Variants in SULT4A1 observed in about 807,000 individuals in gnomAD.
SULT4A1 encodes sulfotransferase 4A1.
Under a neutral mutation model 35.2 loss-of-function variants are expected in SULT4A1, and 11 were observed. The ratio of observed to expected loss-of-function variants is 0.31; its 90% confidence interval spans 0.20 to 0.52. SULT4A1 has a LOEUF of 0.52. Among genes scored for constraint, SULT4A1 ranks in the 20% least tolerant of loss-of-function variants. The pLI is 0.97. For synonymous variants in SULT4A1, 152 were observed against 151.8 expected, an observed-to-expected ratio of 1.00 and a Z score of -0.01; for missense variants, 271 against 383.7, an observed-to-expected ratio of 0.71 and a Z score of 2.45.
chr22:43,861,272 A>ACTG (rs1297851632), intron 1 of SULT4A1, among the ~76,000 whole-genome samples: 1 of 152,118 alleles, frequency 6.6e-6, no homozygotes, highest in Non-Finnish European at 1.5e-5. Context: ...AAACTGCCCG[A>ACTG]CTGCTGGTCC....
chr22:43,852,722 G>A (rs925098476), intron 1 of SULT4A1, among the ~76,000 whole-genome samples: 3 of 151,318 alleles, frequency 2.0e-5, no homozygotes, highest in South Asian at 4.2e-4. Flanking sequence ...AGAGCACGAC[G>A]GGAAGCTCTA....
At position 43,862,378 on chromosome 22, in the gene SULT4A1, G is replaced by A. The variant is rs768026959; in HGVS notation, c.5C>T (p.Ala2Val). 6 of 1,345,832 alleles carry A rather than the reference G, an allele frequency of 4.5e-6. No homozygotes were observed. The highest frequency in any genetic ancestry group is 5.8e-6 in the Non-Finnish European group (6 of 1,028,518). The allele number at this position is 1,345,832 out of a possible 1,614,324, so 83.4% of individuals were successfully genotyped here. A position where few individuals can be genotyped will look rare whatever the true frequency, so the allele number is the denominator to read the frequency against. Reference sequence around the variant, plus strand: ...GCTGGGGGTCTCGGCCTCGCTCTCCGCCATGCCGCCGCCGTCGCCGTCGCC... The same window carrying A: ...GCTGGGGGTCTCGGCCTCGCTCTCCACCATGCCGCCGCCGTCGCCGTCGCC... Reference protein sequence around the residue: MAESEAETPSTP... With the variant: MVESEAETPSTP... Residue 2 changes from alanine (A) to valine (V), a missense_variant, in exon 1 of 7, where the codon GCG (alanine) becomes GTG (valine). Transcript: ENST00000330884.
chr22:43,851,180 TCCA>T (rs1466774299), intron 1 of SULT4A1, among the ~76,000 whole-genome samples: 2 of 152,284 alleles, frequency 1.3e-5, no homozygotes, highest in African/African-American at 4.8e-5. Context: ...AATTAAAACC[TCCA>T]CCATCACACT....
chr22:43,834,507 G>A lies in SULT4A1; in HGVS notation c.509-773C>T, dbSNP rs1398004708. The stretch of plus-strand genomic sequence containing the variant: ...GCCCTGAGCTTCCCACGCCCCCACC[G>A]CGGCCCTGAGCTTCCCGCGCCCCCA... On this transcript the variant is annotated intron_variant, in intron 4 of 6. Transcript: ENST00000330884. Among the ~76,000 whole-genome samples the A allele has an allele frequency of 1.3e-3, 3 of 2,296 alleles. 1 individual carries two copies. The highest frequency in any genetic ancestry group is 3.7e-3 in the African/African-American group (3 of 808). 1.5% of individuals were successfully genotyped at this position (2,296 alleles called of 152,430 possible).
chr22:43,826,943 G>A (rs552518712), intron 6 of SULT4A1: 11 of 985,450 alleles, frequency 1.1e-5, no homozygotes, highest in South Asian at 9.4e-5. Context: ...TGCAGGCACC[G>A]GTCTACGCTG....
chr22:43,844,424 G>C (rs1045120449), intron 1 of SULT4A1, among the ~76,000 whole-genome samples: 3 of 152,142 alleles, frequency 2.0e-5, no homozygotes, highest in African/African-American at 7.2e-5. Context: ...AGAGACCTAT[G>C]GACCAATTCT....
intron 1 of SULT4A1, among the ~76,000 whole-genome samples, chr22:43,849,882 G>A (rs1308314481): frequency 6.6e-6 from 1 of 152,218 alleles, no homozygotes; most frequent in African/African-American, 2.4e-5. Flanking sequence ...GGTTAAAAGA[G>A]CACTGGAAAA....
At position 43,833,740 on chromosome 22, in the gene SULT4A1, G is replaced by A. The variant is rs906367625; in HGVS notation, c.509-6C>T. On this transcript the variant is annotated splice_region_variant and splice_polypyrimidine_tract_variant and intron_variant, in intron 4 of 6. Coordinates refer to ENST00000330884, the MANE Select transcript of SULT4A1 (RefSeq NM_014351.4). ...AAACCAGGAGCCGTAGCCCACTGCG[G>A]AGACAGGGGACAGGGTGAGCCACAC... 2.2e-5 allele frequency: 35 copies of A among 1,563,346 alleles called. No individual in the cohort carries two copies. Among genetic ancestry groups the A allele is most frequent in the Non-Finnish European group, 2.7e-5 (31 of 1,153,350 alleles).
chr22:43,847,253 A>T (rs2063482738), intron 1 of SULT4A1, among the ~76,000 whole-genome samples: 1 of 152,182 alleles, frequency 6.6e-6, no homozygotes, highest in Admixed American at 6.5e-5. Context: ...TTCCTAGGGC[A>T]TAAAGCCAGC....
chr22:43,856,428 G>A (rs2049401444), intron 1 of SULT4A1, among the ~76,000 whole-genome samples: 1 of 152,160 alleles, frequency 6.6e-6, no homozygotes, highest in African/African-American at 2.4e-5. Flanking sequence ...CAGTTTGGCT[G>A]CCACTCAGAG....
At chr22:43,826,871 T>C in intron 6 of SULT4A1, 1 of 985,436 alleles carries the variant, frequency 1.0e-6, no homozygotes, top group Non-Finnish European at 1.2e-6. Context: ...TAGCCCAGGC[T>C]TAGTCAGAAA....
In SULT4A1 at chr22:43,854,425, C is replaced by T. The variant is rs535992795; in HGVS notation, c.169+7789G>A. Reference sequence around the variant, plus strand: ...CAGGGATCTAGTCAATCTGCACACACGGGGGACAGTCTGGCCAAGACCAGC... The same window carrying T: ...CAGGGATCTAGTCAATCTGCACACATGGGGGACAGTCTGGCCAAGACCAGC... On this transcript the variant is annotated intron_variant, in intron 1 of 6. Coordinates refer to ENST00000330884, the MANE Select transcript of SULT4A1 (RefSeq NM_014351.4). Among the ~76,000 whole-genome samples the T allele has an allele frequency of 4.6e-5, 7 of 152,344 alleles. No homozygotes were observed. The South Asian group carries it at 1.4e-3, about 32-fold the overall frequency.
At chr22:43,862,193 C>A (rs1468302078) in intron 1 of SULT4A1, 21 bp downstream of exon 1, 1 of 1,485,406 alleles carries the variant, frequency 6.7e-7, no homozygotes, top group South Asian at 1.2e-5. Flanking sequence ...GCGTGGCGGG[C>A]GCGGTCGGCG....
chr22:43,846,927 A>G (rs2063480486), intron 1 of SULT4A1, among the ~76,000 whole-genome samples: 1 of 152,204 alleles, frequency 6.6e-6, no homozygotes, highest in Admixed American at 6.5e-5. Flanking sequence ...CCAACGACCC[A>G]GACAGACCTT....
At chr22:43,835,166 C>T (rs1315487077) in intron 4 of SULT4A1, among the ~76,000 whole-genome samples, 2 of 152,192 alleles carry the variant, frequency 1.3e-5, no homozygotes, top group African/African-American at 4.8e-5. Context: ...CCTGAGCTTC[C>T]TGCGTGGCCT....
rs1310255707 is a variant in SULT4A1, at chr22:43,842,035, CAGGTGGG to C, written c.170-110_170-104del. The C allele has an allele frequency of 1.6e-5, 24 of 1,474,426 alleles. No homozygotes were observed. In the Admixed American group the frequency reaches 4.6e-4, roughly 28 times the overall value. The allele number at this position is 1,474,426 out of a possible 1,614,324, so 91.3% of individuals were successfully genotyped here. On this transcript the variant is annotated intron_variant, in intron 1 of 6. Transcript: ENST00000330884. ...TGCCCAAGAAGGGGCTCAAGAGCCC[CAGGTGGG>C]GCCCAGGGCGACTGAGTCTGGGAAG...
At chr22:43,827,141 T>C (rs1463449091) in intron 6 of SULT4A1, 1 of 985,476 alleles carries the variant, frequency 1.0e-6, no homozygotes, top group South Asian at 4.7e-5. Flanking sequence ...ACCCGAGTAC[T>C]GCCTCCCTGC....
At chr22:43,837,367 T>C (rs1464888043) in intron 4 of SULT4A1, among the ~76,000 whole-genome samples, 1 of 152,208 alleles carries the variant, frequency 6.6e-6, no homozygotes, top group African/African-American at 2.4e-5. Context: ...TGTAGCCTCT[T>C]CCACGTGCTG....
chr22:43,849,191 C>T (rs949939081), intron 1 of SULT4A1, among the ~76,000 whole-genome samples: 1 of 152,178 alleles, frequency 6.6e-6, no homozygotes, highest in Non-Finnish European at 1.5e-5. Flanking sequence ...AGCATCAGAA[C>T]TGATCAGAAT....
Sources: allele counts gnomAD v4.1 joint callset (sites outside exome capture counted in the v4.1 genomes callset), GRCh38; gene constraint gnomAD v4.1.1; transcripts MANE v1.5; gene names NCBI Gene and HGNC (gene_info 2026-07-23, HGNC 2026-07-21).